The following SLIT3 variants were observed in gnomAD, a reference collection of about 807,000 sequenced individuals.
SLIT3 encodes the protein slit guidance ligand 3, also known as slit homolog 3 protein.
A neutral mutation model predicts 184.0 loss-of-function variants in SLIT3; 68 were observed. That is an observed-to-expected ratio of 0.37 (90% CI 0.30 to 0.45). The LOEUF is 0.45. Among genes scored for constraint, SLIT3 ranks in the 20% least tolerant of loss-of-function variants. SLIT3 has a pLI of 1.00. For synonymous variants in SLIT3, 831 were observed against 828.6 expected, an observed-to-expected ratio of 1.00 and a Z score of -0.05; for missense variants, 1,707 against 2,026.0, an observed-to-expected ratio of 0.84 and a Z score of 3.02.
chr5:168,677,174 G>A (rs1007808400), intron 32 of SLIT3, among the ~76,000 whole-genome samples: 2 of 152,156 alleles, frequency 1.3e-5, no homozygotes, highest in Non-Finnish European at 2.9e-5. Flanking sequence ...GATCACACTG[G>A]GCCTGCCAGC....
At chr5:168,968,119 C>T (rs1437521671) in intron 4 of SLIT3, among the ~76,000 whole-genome samples, 2 of 152,210 alleles carry the variant, frequency 1.3e-5, no homozygotes, top group African/African-American at 4.8e-5. Context: ...TCTCCCCTCC[C>T]ATTAAATATG....
chr5:168,702,675 CGATGATGATGATGATGAT>C (rs10596363), intron 26 of SLIT3, among the ~76,000 whole-genome samples: 1 of 149,496 alleles, frequency 6.7e-6, no homozygotes, highest in African/African-American at 2.5e-5. Flanking sequence ...TAAATAATAG[CGATGATGATGATGATGAT>C]GATGATGATG....
intron 4 of SLIT3, among the ~76,000 whole-genome samples, chr5:169,010,424 G>C (rs1462221858): frequency 6.6e-6 from 1 of 152,140 alleles, no homozygotes; most frequent in African/African-American, 2.4e-5. Flanking sequence ...GGAAGGGTAA[G>C]GCTAAAGTTG....
At chr5:169,080,886 A>G (rs755229860) in intron 4 of SLIT3, among the ~76,000 whole-genome samples, 64 of 152,278 alleles carry the variant, frequency 4.2e-4, no homozygotes, top group Non-Finnish European at 7.1e-4. Flanking sequence ...TCTCTGAACA[A>G]CCATTGATCA....
At chr5:168,856,982 G>A (rs544535002) in intron 5 of SLIT3, among the ~76,000 whole-genome samples, 1 of 152,104 alleles carries the variant, frequency 6.6e-6, no homozygotes, top group South Asian at 2.1e-4. Context: ...GGAAGGGATG[G>A]TGGGGGGGCC....
intron 4 of SLIT3, among the ~76,000 whole-genome samples, chr5:168,989,152 T>A (rs1448593422): frequency 6.6e-6 from 1 of 152,174 alleles, no homozygotes; most frequent in African/African-American, 2.4e-5. Flanking sequence ...TGCAAAGACA[T>A]GAAAAGCAGG....
chr5:169,279,040 T>C (rs979762698), intron 1 of SLIT3, among the ~76,000 whole-genome samples: 1 of 152,174 alleles, frequency 6.6e-6, no homozygotes, highest in Non-Finnish European at 1.5e-5. Flanking sequence ...TATTATCTCA[T>C]GTTGGCAGCA....
intron 3 of SLIT3, among the ~76,000 whole-genome samples, chr5:169,244,309 G>A (rs1370087480): frequency 6.6e-6 from 1 of 152,236 alleles, no homozygotes; most frequent in African/African-American, 2.4e-5. Flanking sequence ...TCAGGAGGGA[G>A]CTTCTGCCCG....
At chr5:168,802,201 C>G (rs1031019145) in intron 9 of SLIT3, among the ~76,000 whole-genome samples, 6 of 151,792 alleles carry the variant, frequency 4.0e-5, no homozygotes, top group African/African-American at 7.3e-5. Flanking sequence ...TCAGATAACT[C>G]CTATTCATCC....
At chr5:169,172,756 C>T (rs74380494) in intron 4 of SLIT3, among the ~76,000 whole-genome samples, 3,344 of 152,162 alleles carry the variant, frequency 0.022, 133 homozygotes, top group African/African-American at 0.076. Flanking sequence ...AATATTTTAG[C>T]GCTGTACTAA....
At chr5:169,118,682 G>T (rs1196978898) in intron 4 of SLIT3, among the ~76,000 whole-genome samples, 1 of 152,184 alleles carries the variant, frequency 6.6e-6, no homozygotes, top group Non-Finnish European at 1.5e-5. Context: ...GATGAAACCA[G>T]CAGTTGTTAC....
chr5:169,066,702 C>G (rs1040103407), intron 4 of SLIT3, among the ~76,000 whole-genome samples: 1 of 152,154 alleles, frequency 6.6e-6, no homozygotes, highest in African/African-American at 2.4e-5. Context: ...CCAAGGAAAT[C>G]ATCATGGTAT....
chr5:168,834,855 G>T (rs111530169), intron 6 of SLIT3, among the ~76,000 whole-genome samples: 147 of 152,232 alleles, frequency 9.7e-4, no homozygotes, highest in Non-Finnish European at 1.9e-3. Context: ...AAGCAGACCT[G>T]GTGGGAGCTA....
chr5:168,870,549 A>C (rs2974435), intron 5 of SLIT3, among the ~76,000 whole-genome samples: 149,508 of 152,284 alleles, frequency 0.98, 73,408 homozygotes, highest in East Asian at 1. Context: ...ATTCTCTTTT[A>C]TGCTGTCCCT....
chr5:169,281,263 G>T lies in SLIT3; in HGVS notation c.197+19250C>A, dbSNP rs536028885. Among the ~76,000 whole-genome samples the T allele has an allele frequency of 9.5e-4, 144 of 152,338 alleles. 1 individual carries two copies. The highest frequency in any genetic ancestry group is 3.3e-3 in the African/African-American group (139 of 41,590). On this transcript the variant is annotated intron_variant, in intron 1 of 35. Coordinates refer to ENST00000519560, the MANE Select transcript of SLIT3 (RefSeq NM_003062.4). ...GGAGGCCAAGGTGGGCGGATCATGA[G>T]GTCAGGTGATCGAGACCATCCTGGC...
chr5:169,269,111 G>T (rs999169122), intron 1 of SLIT3, among the ~76,000 whole-genome samples: 18 of 152,144 alleles, frequency 1.2e-4, no homozygotes, highest in Non-Finnish European at 2.9e-5. Context: ...AAACTCTCAG[G>T]GACTTGAAGG....
At chr5:168,930,351 G>A (rs943747209) in intron 4 of SLIT3, among the ~76,000 whole-genome samples, 3 of 152,200 alleles carry the variant, frequency 2.0e-5, no homozygotes, top group Non-Finnish European at 2.9e-5. Flanking sequence ...AGAAAAAGGT[G>A]TATATTCAAG....
chr5:169,296,938 G>A (rs1441593295), intron 1 of SLIT3, among the ~76,000 whole-genome samples: 10 of 152,180 alleles, frequency 6.6e-5, no homozygotes, highest in Admixed American at 6.5e-5. Flanking sequence ...AGACAAGGAC[G>A]GCAAGATGGG....
At chr5:168,751,311 T>C (rs1447957965) in intron 18 of SLIT3, among the ~76,000 whole-genome samples, 3 of 152,124 alleles carry the variant, frequency 2.0e-5, no homozygotes, top group African/African-American at 7.2e-5. Flanking sequence ...TAAAGGGTCT[T>C]TGGGGAAGGT....
Sources: allele counts gnomAD v4.1 joint callset (sites outside exome capture counted in the v4.1 genomes callset), GRCh38; gene constraint gnomAD v4.1.1; transcripts MANE v1.5; gene names NCBI Gene and HGNC (gene_info 2026-07-23, HGNC 2026-07-21).